The following SPATA17 variants were observed in gnomAD, a reference collection of about 807,000 sequenced individuals.
SPATA17 encodes spermatogenesis-associated protein 17.
In SPATA17, 53 loss-of-function variants were observed where a neutral mutation model predicts 62.2. That is an observed-to-expected ratio of 0.85 (90% confidence interval 0.68 to 1.07). The LOEUF (loss-of-function observed/expected upper bound fraction) is 1.07, where lower values mean the gene tolerates loss of function less well. Ranked by LOEUF, SPATA17 falls within the 50% of genes least tolerant of loss-of-function variation. SPATA17 has a pLI of 0.00. For missense variants in SPATA17, 466 were observed against 425.5 expected (o/e 1.10, Z -0.84); for synonymous variants, 146 against 146.8 (o/e 0.99, Z 0.04).
At chr1:217,773,640 A>C (rs930637079) in intron 6 of SPATA17, among the ~76,000 whole-genome samples, 2 of 152,184 alleles carry the variant, frequency 1.3e-5, no homozygotes, top group African/African-American at 4.8e-5. Context: ...TATTTTATGC[A>C]GTACATGACA....
At chr1:217,742,865 G>C (rs1672652826) in intron 6 of SPATA17, among the ~76,000 whole-genome samples, 1 of 151,852 alleles carries the variant, frequency 6.6e-6, no homozygotes, top group East Asian at 1.9e-4. Context: ...ATAGTTGAAT[G>C]TCTCCAGGTA....
rs535784039 is a variant in SPATA17, at chr1:217,651,081, AT to A, written c.159-8del. 220 of 1,564,270 alleles carry A rather than the reference AT, an allele frequency of 1.4e-4. No individual in the cohort carries two copies. Among genetic ancestry groups the A allele is most frequent in the South Asian group, 2.4e-4 (21 of 86,814 alleles). ...TCAATGAAAGGATACTAATAAGCAT[AT>A]TTTTTTTATCCTAGGCATTTAAACA... On this transcript the variant is annotated splice_polypyrimidine_tract_variant and intron_variant, in intron 2 of 10. Coordinates refer to ENST00000366933, the MANE Select transcript of SPATA17 (RefSeq NM_138796.4).
At chr1:217,661,867 T>G (rs2102891446) in intron 3 of SPATA17, among the ~76,000 whole-genome samples, 1 of 152,306 alleles carries the variant, frequency 6.6e-6, no homozygotes, top group East Asian at 1.9e-4. Context: ...TTCATTTCAT[T>G]ATACAATCAA....
intron 6 of SPATA17, among the ~76,000 whole-genome samples, chr1:217,768,070 C>G (rs1673346705): frequency 6.6e-6 from 1 of 152,022 alleles, no homozygotes; most frequent in Non-Finnish European, 1.5e-5. Context: ...CATGGTGAAA[C>G]CTCGTTTTTA....
chr1:217,786,306 T>C lies in SPATA17; in HGVS notation c.872+3984T>C, dbSNP rs182570570. Among the ~76,000 whole-genome samples, 85 of 152,304 alleles carry C rather than the reference T, an allele frequency of 5.6e-4. 3 individuals are homozygous for C. The East Asian group carries it at 0.012, about 22-fold the overall frequency. ...ATATTTTTAAATGTCGAGTTTTCTC[T>C]GGTCTCTGATAATCTAGGAAAGCGT... On this transcript the variant is annotated intron_variant, in intron 8 of 10. Coordinates refer to ENST00000366933, the MANE Select transcript of SPATA17 (RefSeq NM_138796.4).
intron 1 of SPATA17, among the ~76,000 whole-genome samples, chr1:217,634,004 TAGG>T (rs1243184870): frequency 6.6e-6 from 1 of 152,090 alleles, no homozygotes; most frequent in Non-Finnish European, 1.5e-5. Flanking sequence ...CTACAAAGAA[TAGG>T]AGGAGTGTGG....
chr1:217,639,496 A>G (rs915499057), intron 1 of SPATA17, among the ~76,000 whole-genome samples: 2 of 152,198 alleles, frequency 1.3e-5, no homozygotes, highest in Admixed American at 1.3e-4. Flanking sequence ...GAGGAAGAAG[A>G]GCAAAAGAAA....
At chr1:217,749,985 C>CTCTCTCTCTCTCTATATATATATATATA in intron 6 of SPATA17, among the ~76,000 whole-genome samples, 1 of 12,314 alleles carries the variant, frequency 8.1e-5, no homozygotes, top group African/African-American at 3.0e-4. Flanking sequence ...CTCTCTCTCT[C>CTCTCTCTCTCTCTATATATATATATATA]TATATATATA....
intron 3 of SPATA17, 64 bp from the exon 4 acceptor site, chr1:217,668,969 A>G: frequency 7.4e-7 from 1 of 1,355,326 alleles, no homozygotes. Context: ...TTTTATATGT[A>G]AAAATAGGCT....
Position 217,682,364 on chromosome 1 carries a change from C to CA in SPATA17, c.292-881dup, listed in dbSNP as rs528838455. ...TCAGACCCCTAACATTCCTCTCATC[C>CA]AAAAAAAAAAAAACACCCTACTTTG... is the stretch of plus-strand genomic sequence containing the variant. On this transcript the variant is annotated intron_variant, in intron 4 of 10. Coordinates refer to ENST00000366933, the MANE Select transcript of SPATA17 (RefSeq NM_138796.4). Among the ~76,000 whole-genome samples, 1,013 of 122,150 alleles carry CA rather than the reference C, an allele frequency of 8.3e-3. 4 individuals carry two copies. Among genetic ancestry groups the CA allele is most frequent in the Non-Finnish European group, 0.01 (586 of 57,178 alleles). The allele number at this position is 122,150 out of a possible 152,430, so 80.1% of individuals were successfully genotyped here.
chr1:217,856,047 GA>G (rs1675779604), intron 9 of SPATA17, among the ~76,000 whole-genome samples: 1 of 151,964 alleles, frequency 6.6e-6, no homozygotes, highest in East Asian at 1.9e-4. Flanking sequence ...TATTAAGAAG[GA>G]AGATACAGTA....
intron 5 of SPATA17, among the ~76,000 whole-genome samples, chr1:217,735,297 A>G (rs1291880471): frequency 6.6e-6 from 1 of 152,196 alleles, no homozygotes; most frequent in Non-Finnish European, 1.5e-5. Flanking sequence ...CAACATATCC[A>G]TCTGGTAAGG....
At chr1:217,792,773 A>C (rs1674027382) in intron 8 of SPATA17, among the ~76,000 whole-genome samples, 1 of 152,082 alleles carries the variant, frequency 6.6e-6, no homozygotes, top group Admixed American at 6.6e-5. Flanking sequence ...CATTATATCA[A>C]ATACAGTTTT....
chr1:217,815,557 T>G (rs1224915617), intron 9 of SPATA17, among the ~76,000 whole-genome samples: 2 of 152,168 alleles, frequency 1.3e-5, no homozygotes, highest in Non-Finnish European at 2.9e-5. Flanking sequence ...TTATGTTATG[T>G]CAGTTTGACT....
chr1:217,721,393 G>T (rs934243858), intron 5 of SPATA17, among the ~76,000 whole-genome samples: 10 of 152,110 alleles, frequency 6.6e-5, no homozygotes, highest in Middle Eastern at 3.2e-3. Flanking sequence ...CGATGTCATT[G>T]ATCATTCTTG....
chr1:217,821,178 G>T (rs1674851561), intron 9 of SPATA17, among the ~76,000 whole-genome samples: 1 of 151,922 alleles, frequency 6.6e-6, no homozygotes, highest in African/African-American at 2.4e-5. Context: ...CGCCACACTG[G>T]GATCAAATTT....
chr1:217,773,910 T>A (rs576121857), intron 6 of SPATA17, among the ~76,000 whole-genome samples: 1 of 152,292 alleles, frequency 6.6e-6, no homozygotes, highest in East Asian at 1.9e-4. Flanking sequence ...ATTTTGTACC[T>A]GAAACTTGAT....
intron 5 of SPATA17, among the ~76,000 whole-genome samples, chr1:217,722,522 C>G (rs928585069): frequency 1.3e-5 from 2 of 152,038 alleles, no homozygotes; most frequent in Non-Finnish European, 2.9e-5. Context: ...AAACCTCTTT[C>G]AAAATCATAC....
chr1:217,726,610 T>C (rs1359581010), intron 5 of SPATA17, among the ~76,000 whole-genome samples: 1 of 152,202 alleles, frequency 6.6e-6, no homozygotes, highest in East Asian at 1.9e-4. Context: ...ACCTGGCAGA[T>C]ATTCTTCATT....
Sources: allele counts gnomAD v4.1 joint callset (sites outside exome capture counted in the v4.1 genomes callset), GRCh38; gene constraint gnomAD v4.1.1; transcripts MANE v1.5; gene names NCBI Gene and HGNC (gene_info 2026-07-23, HGNC 2026-07-21).